The following ZSCAN32 variants were observed in gnomAD, a reference collection of about 807,000 sequenced individuals.
ZSCAN32 encodes zinc finger and SCAN domain containing 32, also known as zinc finger and SCAN domain-containing protein 32.
In ZSCAN32, 52 loss-of-function variants were observed where a neutral mutation model predicts 47.4. That is an observed-to-expected ratio of 1.10 (90% CI 0.88 to 1.38). The LOEUF is 1.38. Ranked by LOEUF, ZSCAN32 falls within the 40% of genes most tolerant of loss-of-function variation. The pLI, the probability that ZSCAN32 is intolerant of heterozygous loss-of-function variation, is 0.00. For missense variants in ZSCAN32, 959 were observed against 846.0 expected (o/e 1.13, Z -1.66); for synonymous variants, 346 against 305.7 (o/e 1.13, Z -1.38).
At chr16:3,399,653 C>G (rs1332362778) in intron 1 of ZSCAN32, among the ~76,000 whole-genome samples, 1 of 151,838 alleles carries the variant, frequency 6.6e-6, no homozygotes, top group Non-Finnish European at 1.5e-5. Context: ...ACTCTGTTGC[C>G]CAGGCTGGTC....
chr16:3,386,071 C>T (rs1194044046), intron 5 of ZSCAN32, among the ~76,000 whole-genome samples: 6 of 152,126 alleles, frequency 3.9e-5, no homozygotes, highest in Admixed American at 3.9e-4. Context: ...TATCCAGAAT[C>T]TACAATGAAC....
At chr16:3,395,261 C>G (rs1260870503) in intron 2 of ZSCAN32, among the ~76,000 whole-genome samples, 2 of 152,170 alleles carry the variant, frequency 1.3e-5, no homozygotes, top group Admixed American at 6.5e-5. Flanking sequence ...TACTACTACC[C>G]ACCTCCACTT....
intron 2 of ZSCAN32, among the ~76,000 whole-genome samples, chr16:3,394,386 G>A (rs2033166546): frequency 6.6e-6 from 1 of 152,174 alleles, no homozygotes; most frequent in Admixed American, 6.5e-5. Context: ...GAGAATGTCA[G>A]CTTTCACTTT....
chr16:3,395,218 A>G (rs1050824060), intron 2 of ZSCAN32, among the ~76,000 whole-genome samples: 9 of 152,200 alleles, frequency 5.9e-5, no homozygotes, highest in African/African-American at 1.2e-4. Flanking sequence ...CTGAGAGGCA[A>G]GTGGGGTCCT....
intron 5 of ZSCAN32, 75 bp downstream of exon 5, chr16:3,389,935 C>G: frequency 2.1e-6 from 3 of 1,433,600 alleles, no homozygotes; most frequent in Non-Finnish European, 2.8e-6. Context: ...CTGTCTCCCT[C>G]CCTCTCAAGT....
intron 3 of ZSCAN32, among the ~76,000 whole-genome samples, chr16:3,391,777 T>G (rs2032734297): frequency 6.6e-6 from 1 of 151,754 alleles, no homozygotes; most frequent in Non-Finnish European, 1.5e-5. Context: ...AGACACACTG[T>G]TTTTCAGGCT....
Position 3,398,051 on chromosome 16 carries a change from A to C in ZSCAN32, c.-187-307T>G, listed in dbSNP as rs2033543298. ...TGGGAGAAATTTAGTTTATAGTTTG[A>C]ATGATAATAACCCTTCCCAAAACTA... On this transcript the variant is annotated intron_variant, in intron 1 of 6. Coordinates refer to ENST00000396852, the MANE Select transcript of ZSCAN32 (RefSeq NM_001284527.2). 2.0e-5 allele frequency among the ~76,000 whole-genome samples: 3 copies of C among 152,324 alleles called. No individual in the cohort carries two copies. The South Asian group carries it at 6.2e-4, about 32-fold the overall frequency.
In ZSCAN32 at chr16:3,382,923, C is replaced by T; in HGVS notation, c.2023G>A (p.Ala675Thr). 6.2e-7 allele frequency: 1 copy of T among 1,612,260 alleles called. No individual in the cohort carries two copies. The highest frequency in any genetic ancestry group is 8.5e-7 in the Non-Finnish European group (1 of 1,178,974). ...HCERGFTKNS[A>T]LTRHQTVHMK... Reference sequence around the variant, plus strand: ...TGTACTGTCTGATGACGGGTGAGGGCAGAGTTCTTAGTGAAGCCTCTCTCA... The same window carrying T: ...TGTACTGTCTGATGACGGGTGAGGGTAGAGTTCTTAGTGAAGCCTCTCTCA... The change falls in exon 7 of 7, where the codon GCC (alanine) becomes ACC (threonine). Residue 675 changes from alanine (A) to threonine (T), a missense_variant. Ala to Thr is a moderately conservative substitution (Grantham distance 58, BLOSUM62 0). Transcript: ENST00000396852.
rs2031708031 is a variant in ZSCAN32, at chr16:3,384,595, C to T, written c.1098G>A (p.Leu366=). ...QEGSDIEAGE[L]NHQNGEPTEV... ...CCGTGGGTTCCCCATTCTGGTGATT[C>T]AGCTCTCCAGCCTCAATATCACTTC... The change falls in exon 6 of 7, where the codon CTG becomes CTA. Residue 366 remains leucine (L), a synonymous_variant. Transcript: ENST00000396852. The T allele has an allele frequency of 1.2e-6, 2 of 1,614,062 alleles. No homozygotes were observed. The highest frequency in any genetic ancestry group is 1.3e-5 in the African/African-American group (1 of 74,914).
At position 3,382,855 on chromosome 16, in the gene ZSCAN32, T is replaced by C. The variant is rs772611709; in HGVS notation, c.2091A>G (p.Leu697=). The C allele has an allele frequency of 5.8e-6, 9 of 1,556,534 alleles. No homozygotes were observed. In the African/African-American group the frequency reaches 1.2e-4, roughly 21 times the overall value. The change falls in exon 7 of 7, where the codon TTA becomes TTG. Residue 697 remains leucine (L), a synonymous_variant. Coordinates refer to ENST00000396852, the MANE Select transcript of ZSCAN32 (RefSeq NM_001284527.2). ...ATCTGACAGTTTACCGACACACTCATAACGCATCTCTTCCTTCCTGTGATG... is the reference window on the plus strand; with the variant it reads ...ATCTGACAGTTTACCGACACACTCACAACGCATCTCTTCCTTCCTGTGATG... ...VLSSQEGRDA[L]
At chr16:3,395,394 T>C (rs781586107) in intron 2 of ZSCAN32, among the ~76,000 whole-genome samples, 4 of 152,316 alleles carry the variant, frequency 2.6e-5, no homozygotes, top group South Asian at 4.1e-4. Flanking sequence ...GTGGACGTAA[T>C]TGAATCATGG....
intron 5 of ZSCAN32, among the ~76,000 whole-genome samples, chr16:3,388,148 A>T (rs114780301): frequency 0.017 from 2,591 of 152,304 alleles, 72 homozygotes; most frequent in African/African-American, 0.056. Flanking sequence ...AAAAGTTTCT[A>T]ATTGCTCCCT....
chr16:3,393,020 T>C (rs2032901619), intron 3 of ZSCAN32, among the ~76,000 whole-genome samples: 2 of 148,434 alleles, frequency 1.3e-5, no homozygotes, highest in South Asian at 4.2e-4. Flanking sequence ...TGTTCACCTT[T>C]AATGACACCT....
At chr16:3,395,709 A>G (rs747870658) in intron 2 of ZSCAN32, among the ~76,000 whole-genome samples, 5 of 152,170 alleles carry the variant, frequency 3.3e-5, no homozygotes, top group African/African-American at 7.2e-5. Context: ...TTTTATATTA[A>G]GAGTGTGGGC....
intron 1 of ZSCAN32, among the ~76,000 whole-genome samples, chr16:3,400,578 GC>G (rs1386807190): frequency 2.6e-5 from 4 of 152,230 alleles, no homozygotes; most frequent in African/African-American, 9.6e-5. Context: ...AGGATGGGGA[GC>G]CAGGTTGATA....
chr16:3,384,904 C>T lies in ZSCAN32; in HGVS notation c.789G>A (p.Thr263=), dbSNP rs191240269. Residue 263 remains threonine, a synonymous_variant, in exon 6 of 7, where the codon ACG becomes ACA. Coordinates refer to ENST00000396852, the MANE Select transcript of ZSCAN32 (RefSeq NM_001284527.2). ...GAGAACTACTAAGAATAGCCAGGAG[C>T]GTCTTGGTCTCTTCATAGCCCCAGG... The part of the protein sequence containing the change: ...GVPWGYEETK[T]LLAILSSSQF... The T allele has an allele frequency of 1.3e-5, 21 of 1,613,964 alleles. No individual in the cohort carries two copies. Among genetic ancestry groups the T allele is most frequent in the South Asian group, 6.6e-5 (6 of 91,074 alleles).
Position 3,397,524 on chromosome 16 carries a change from G to T in ZSCAN32, c.34C>A (p.Pro12Thr), listed in dbSNP as rs1039220832. The T allele has an allele frequency of 6.5e-6, 10 of 1,549,256 alleles. No homozygotes were observed. In the South Asian group the frequency reaches 8.3e-5, roughly 13 times the overall value. The change falls in exon 2 of 7, where the codon CCA becomes ACA. Residue 12 changes from proline (P) to threonine (T), a missense_variant. Pro to Thr is a conservative substitution (Grantham distance 38, BLOSUM62 -1). Coordinates refer to ENST00000396852, the MANE Select transcript of ZSCAN32 (RefSeq NM_001284527.2). ...MAAVKSTEAH[P>T]SSNKDPTQGQ... The stretch of plus-strand genomic sequence containing the variant: ...TGTGTGGGATCCTTGTTTGAGGATG[G>T]GTGTGCCTCGGTACTCTTCACTGCA...
At chr16:3,384,268 A>T in intron 6 of ZSCAN32, 191 bp downstream of exon 6, 1 of 736,992 alleles carries the variant, frequency 1.4e-6, no homozygotes, top group Non-Finnish European at 2.2e-6. Context: ...GAGGTTGGCA[A>T]ATGCAAAATC....
At chr16:3,394,153 C>T (rs1432930393) in intron 2 of ZSCAN32, among the ~76,000 whole-genome samples, 2 of 152,030 alleles carry the variant, frequency 1.3e-5, no homozygotes, top group African/African-American at 4.8e-5. Flanking sequence ...GTAACCCCAG[C>T]TATTTGGGAG....
Sources: gnomAD v4.1 joint callset for allele counts (sites outside exome capture counted in the v4.1 genomes callset) on GRCh38, gnomAD v4.1.1 for gene constraint, MANE v1.5 for transcripts, NCBI Gene and HGNC (gene_info 2026-07-23, HGNC 2026-07-21) for gene names.